SVOPL: variants seen among roughly 807,000 people sequenced by gnomAD.
SVOPL encodes the protein putative transporter SVOPL.
Under a neutral mutation model 61.0 loss-of-function variants are expected in SVOPL, and 60 were observed. The observed-to-expected ratio is 0.98, with a 90% CI of 0.80 to 1.22. The LOEUF is 1.22. Among genes scored for constraint, SVOPL ranks in the 50% most tolerant of loss-of-function variants. The probability of loss-of-function intolerance (pLI) is 0.00; values close to 1 mark genes in which losing one functional copy is unlikely to be tolerated. For synonymous variants in SVOPL, 279 were observed against 250.0 expected (o/e 1.12, Z -1.09); for missense variants, 662 against 643.9 (o/e 1.03, Z -0.30).
chr7:138,672,656 T>TTAAAA lies in SVOPL; in HGVS notation c.175-540_175-539insTTTTA, dbSNP rs35924408. Reference sequence around the variant, plus strand: ...GCAGGAAAGTGTTTTTTTTTGTGTTTAAAAAAAAAAAAAAAAAAAGAAGCA... The same window carrying TTAAAA: ...GCAGGAAAGTGTTTTTTTTTGTGTTTTAAAAAAAAAAAAAAAAAAAAAAAGAAGCA... On this transcript the variant is annotated intron_variant, in intron 3 of 15. Transcript: ENST00000674285. Among the ~76,000 whole-genome samples the TTAAAA allele has an allele frequency of 5.7e-4, 68 of 118,826 alleles. 1 individual carries two copies. Among genetic ancestry groups the TTAAAA allele is most frequent in the African/African-American group, 2.1e-3 (64 of 30,038 alleles). The allele number at this position is 118,826 out of a possible 152,430, so 78.0% of individuals were successfully genotyped here.
At chr7:138,601,554 A>G (rs779465556) in intron 14 of SVOPL, among the ~76,000 whole-genome samples, 1 of 152,144 alleles carries the variant, frequency 6.6e-6, no homozygotes, top group Non-Finnish European at 1.5e-5. Context: ...TGTGGAATCT[A>G]AAAAAGAAAA....
At chr7:138,626,346 G>A (rs556176598) in intron 12 of SVOPL, among the ~76,000 whole-genome samples, 2 of 152,154 alleles carry the variant, frequency 1.3e-5, no homozygotes, top group Non-Finnish European at 2.9e-5. Flanking sequence ...GGGAGGCCGA[G>A]GCAGCTAGAT....
chr7:138,663,373 C>T lies in SVOPL; in HGVS notation c.274-228G>A, dbSNP rs6959277. On this transcript the variant is annotated intron_variant, in intron 4 of 15. Coordinates refer to ENST00000674285, the MANE Select transcript of SVOPL (RefSeq NM_001139456.2). ...AGGCAGATCCTGCCCCAGGTGGAAACGGGGTCCTCTGCCGCCCGCTTGTTG... is the reference window on the plus strand; with the variant it reads ...AGGCAGATCCTGCCCCAGGTGGAAATGGGGTCCTCTGCCGCCCGCTTGTTG... 1,013 of 1,397,058 alleles carry T rather than the reference C, an allele frequency of 7.3e-4. 14 individuals carry two copies. The African/African-American group carries it at 0.013, about 18-fold the overall frequency. 86.5% of individuals were successfully genotyped at this position (1,397,058 alleles called of 1,614,324 possible).
intron 14 of SVOPL, among the ~76,000 whole-genome samples, chr7:138,613,317 G>A (rs556451253): frequency 2.6e-5 from 4 of 152,058 alleles, no homozygotes; most frequent in African/African-American, 9.7e-5. Context: ...ACCGTGACAG[G>A]CCAGAGTGAT....
chr7:138,605,160 C>A, intron 14 of SVOPL, among the ~76,000 whole-genome samples: 1 of 140,556 alleles, frequency 7.1e-6, no homozygotes, highest in Non-Finnish European at 1.5e-5. Flanking sequence ...TTGAATGAAG[C>A]ATTCAATAAA....
rs1019769939 is a variant in SVOPL, at chr7:138,672,653, G to T, written c.175-536C>A. Reference sequence around the variant, plus strand: ...TCAGCAGGAAAGTGTTTTTTTTTGTGTTTAAAAAAAAAAAAAAAAAAAGAA... The same window carrying T: ...TCAGCAGGAAAGTGTTTTTTTTTGTTTTTAAAAAAAAAAAAAAAAAAAGAA... On this transcript the variant is annotated intron_variant, in intron 3 of 15. Transcript: ENST00000674285. 2.1e-3 allele frequency among the ~76,000 whole-genome samples: 158 copies of T among 76,936 alleles called. 1 individual carries two copies. Among genetic ancestry groups the T allele is most frequent in the African/African-American group, 0.012 (124 of 10,394 alleles). The allele number at this position is 76,936 out of a possible 152,430, so 50.5% of individuals were successfully genotyped here. A position where few individuals can be genotyped will look rare whatever the true frequency, so the allele number is the denominator to read the frequency against.
At chr7:138,631,334 C>T (rs1800179093) in intron 9 of SVOPL, among the ~76,000 whole-genome samples, 2 of 152,220 alleles carry the variant, frequency 1.3e-5, no homozygotes, top group South Asian at 2.1e-4. Flanking sequence ...CTTCAAGTTA[C>T]GAACAATCCA....
intron 5 of SVOPL, chr7:138,661,510 T>C (rs984897744): frequency 2.2e-5 from 22 of 984,642 alleles, no homozygotes; most frequent in Non-Finnish European, 2.7e-5. Flanking sequence ...CCCAGGGTAA[T>C]TGTATTTCAT....
At chr7:138,648,888 C>T in intron 8 of SVOPL, 124 bp downstream of exon 8, 1 of 1,457,940 alleles carries the variant, frequency 6.9e-7, no homozygotes. Flanking sequence ...CACCTCTGCA[C>T]TGCAGCCTGG....
intron 4 of SVOPL, among the ~76,000 whole-genome samples, chr7:138,670,088 A>G (rs1157259072): frequency 2.6e-5 from 4 of 152,208 alleles, no homozygotes; most frequent in African/African-American, 4.8e-5. Flanking sequence ...TGCAAAAATT[A>G]TAATAGAAAA....
At chr7:138,685,643 T>C (rs542313651) in intron 1 of SVOPL, among the ~76,000 whole-genome samples, 49 of 152,294 alleles carry the variant, frequency 3.2e-4, no homozygotes, top group African/African-American at 1.1e-3. Flanking sequence ...CTCATGCCTG[T>C]AATCCCAGGA....
Position 138,617,169 on chromosome 7 carries a change from C to T in SVOPL, c.1353+3877G>A, listed in dbSNP as rs915123292. The stretch of plus-strand genomic sequence containing the variant: ...ATTTTTAGTAGAGACGAGGTTTCAC[C>T]GTGTTGGCCAGGCTGGTCTCTAACT... On this transcript the variant is annotated intron_variant, in intron 14 of 15. Coordinates refer to ENST00000674285, the MANE Select transcript of SVOPL (RefSeq NM_001139456.2). Among the ~76,000 whole-genome samples the T allele has an allele frequency of 2.6e-5, 4 of 152,068 alleles. No homozygotes were observed. The East Asian group carries it at 7.7e-4, about 29-fold the overall frequency.
chr7:138,694,056 A>C (rs1050052225), intron 1 of SVOPL, among the ~76,000 whole-genome samples: 26 of 152,208 alleles, frequency 1.7e-4, no homozygotes, highest in African/African-American at 6.3e-4. Context: ...TGATTATACC[A>C]AGTGCAAGGG....
chr7:138,671,672 T>C (rs1313914345), intron 4 of SVOPL, among the ~76,000 whole-genome samples: 9 of 152,146 alleles, frequency 5.9e-5, no homozygotes, highest in Admixed American at 5.2e-4. Context: ...TAATGGTCTT[T>C]GAGAAAAGTT....
chr7:138,677,848 C>T (rs1388249107), intron 3 of SVOPL, among the ~76,000 whole-genome samples: 5 of 151,488 alleles, frequency 3.3e-5, no homozygotes, highest in Non-Finnish European at 2.9e-5. Flanking sequence ...CTGCAACCTC[C>T]GCCTCCTGGG....
intron 10 of SVOPL, among the ~76,000 whole-genome samples, chr7:138,629,465 T>G (rs540553388): frequency 1.3e-5 from 2 of 152,208 alleles, no homozygotes; most frequent in Admixed American, 6.5e-5. Context: ...ACTCCTGACC[T>G]CAGGTGATCC....
rs748046353 is a variant in SVOPL at position 138,679,079 on chromosome 7, C to T, written c.-34G>A. The T allele has an allele frequency of 2.6e-6, 4 of 1,537,216 alleles. No homozygotes were observed. Among genetic ancestry groups the T allele is most frequent in the African/African-American group, 1.4e-5 (1 of 72,462 alleles). ...TAGCTCAAGTTCCCCAAACAGCTTC[C>T]CTGGTGGAAGCAAGGGAGGGAAGAA... On this transcript the variant is annotated splice_region_variant and 5_prime_UTR_variant, in exon 2 of 16. Coordinates refer to ENST00000674285, the MANE Select transcript of SVOPL (RefSeq NM_001139456.2).
intron 6 of SVOPL, among the ~76,000 whole-genome samples, chr7:138,658,345 G>T (rs1801846625): frequency 6.6e-6 from 1 of 152,062 alleles, no homozygotes; most frequent in South Asian, 2.1e-4. Flanking sequence ...CTCAAAAATA[G>T]TTACTCCTAA....
intron 5 of SVOPL, chr7:138,660,762 G>A: frequency 1.0e-6 from 1 of 984,996 alleles, no homozygotes; most frequent in Non-Finnish European, 1.2e-6. Context: ...CCAGGCTGAT[G>A]GTCAGAAAAA....
Sources: gnomAD v4.1 joint callset for allele counts (sites outside exome capture counted in the v4.1 genomes callset) on GRCh38, gnomAD v4.1.1 for gene constraint, MANE v1.5 for transcripts, NCBI Gene and HGNC (gene_info 2026-07-23, HGNC 2026-07-21) for gene names.